Variants in PIGK observed in about 807,000 individuals in gnomAD.
PIGK encodes GPI-anchor transamidase.
Under a neutral mutation model 50.6 loss-of-function variants are expected in PIGK, and 42 were observed. The ratio of observed to expected loss-of-function variants is 0.83; its 90% CI spans 0.65 to 1.07. The LOEUF is 1.07. PIGK is among the 50% of genes least tolerant of loss of function. PIGK has a pLI of 0.00. For synonymous variants in PIGK, 151 were observed against 156.0 expected, an observed-to-expected ratio of 0.97 and a Z score of 0.24; for missense variants, 448 against 488.7, an observed-to-expected ratio of 0.92 and a Z score of 0.78.
chr1:77,170,451 CT>C (rs1655334382), intron 3 of PIGK, among the ~76,000 whole-genome samples: 2 of 152,178 alleles, frequency 1.3e-5, no homozygotes, highest in Admixed American at 6.5e-5. Flanking sequence ...CTATGGTACT[CT>C]ATCTTATTGT....
intron 3 of PIGK, among the ~76,000 whole-genome samples, chr1:77,177,361 G>A (rs1655510661): frequency 6.6e-6 from 1 of 152,150 alleles, no homozygotes; most frequent in Non-Finnish European, 1.5e-5. Context: ...ACCAGAATAA[G>A]GGCAAGGAAC....
intron 9 of PIGK, among the ~76,000 whole-genome samples, chr1:77,142,793 T>A (rs1196089166): frequency 6.6e-6 from 1 of 152,040 alleles, no homozygotes; most frequent in Non-Finnish European, 1.5e-5. Context: ...CCTCCTTCTC[T>A]CCACACATGG....
At chr1:77,110,630 C>T (rs1253368962) in intron 10 of PIGK, among the ~76,000 whole-genome samples, 1 of 152,080 alleles carries the variant, frequency 6.6e-6, no homozygotes, top group East Asian at 1.9e-4. Flanking sequence ...TAAAGACTTA[C>T]ATGTTAGAAC....
rs777778991 is a variant in PIGK at position 77,156,886 on chromosome 1, C to G, written c.814-2265G>C. Among the ~76,000 whole-genome samples the G allele has an allele frequency of 2.6e-5, 4 of 152,258 alleles. No homozygotes were observed. In the South Asian group the frequency reaches 8.3e-4, roughly 32 times the overall value. Reference sequence around the variant, plus strand: ...TAAGATGAATATAACATGGTCCTTACACCTCGCATTCAAGAAGCTCAAAGC... The same window carrying G: ...TAAGATGAATATAACATGGTCCTTAGACCTCGCATTCAAGAAGCTCAAAGC... On this transcript the variant is annotated intron_variant, in intron 8 of 10. Coordinates refer to ENST00000370812, the MANE Select transcript of PIGK (RefSeq NM_005482.3).
intron 3 of PIGK, among the ~76,000 whole-genome samples, chr1:77,173,887 T>C (rs1331666250): frequency 6.6e-6 from 1 of 152,230 alleles, no homozygotes; most frequent in Non-Finnish European, 1.5e-5. Context: ...TGTGTAATCA[T>C]GTGGTGGTAC....
intron 8 of PIGK, among the ~76,000 whole-genome samples, chr1:77,159,209 G>A (rs1019835673): frequency 3.3e-5 from 5 of 152,250 alleles, no homozygotes; most frequent in African/African-American, 9.6e-5. Flanking sequence ...CTCCAAGCCT[G>A]GGCAGCTTAC....
intron 3 of PIGK, among the ~76,000 whole-genome samples, chr1:77,173,653 T>C (rs1313759598): frequency 6.6e-6 from 1 of 152,216 alleles, no homozygotes; most frequent in Non-Finnish European, 1.5e-5. Flanking sequence ...AAAAAAAGGA[T>C]TCTGAGGCTA....
At chr1:77,194,746 T>C (rs1241102347) in intron 3 of PIGK, 1 of 338,436 alleles carries the variant, frequency 3.0e-6, no homozygotes, top group Non-Finnish European at 5.7e-6. Flanking sequence ...ATACACAATT[T>C]ACCCATATAA....
intron 3 of PIGK, among the ~76,000 whole-genome samples, chr1:77,180,737 T>C (rs1255983801): frequency 2.0e-5 from 3 of 151,586 alleles, no homozygotes; most frequent in Non-Finnish European, 4.4e-5. Flanking sequence ...TTCCAGGTCA[T>C]AGGTAGATAA....
chr1:77,124,089 C>CT (rs1489209474), intron 9 of PIGK, among the ~76,000 whole-genome samples: 4 of 152,038 alleles, frequency 2.6e-5, no homozygotes, highest in African/African-American at 9.7e-5. Flanking sequence ...CTGCTGACAT[C>CT]ATCTAGCCTC....
chr1:77,159,741 C>A lies in PIGK; in HGVS notation c.813+1554G>T, dbSNP rs540440585. 3.9e-5 allele frequency among the ~76,000 whole-genome samples: 6 copies of A among 152,284 alleles called. No individual in the cohort carries two copies. The East Asian group carries it at 1.2e-3, about 29-fold the overall frequency. The stretch of plus-strand genomic sequence containing the variant: ...AGTGCCTTCGTTTTGGCCAATTTCT[C>A]CCAAGTGGAACAGGTGTATTTACCC... On this transcript the variant is annotated intron_variant, in intron 8 of 10. Transcript: ENST00000370812.
At chr1:77,183,207 G>C (rs935696837) in intron 3 of PIGK, among the ~76,000 whole-genome samples, 3 of 152,178 alleles carry the variant, frequency 2.0e-5, no homozygotes, top group African/African-American at 7.2e-5. Flanking sequence ...CTTGGAATGG[G>C]AACATATGGA....
At chr1:77,197,207 T>C (rs1656057127) in intron 3 of PIGK, among the ~76,000 whole-genome samples, 1 of 152,120 alleles carries the variant, frequency 6.6e-6, no homozygotes, top group Admixed American at 6.6e-5. Flanking sequence ...ACCAAAAATA[T>C]TCACCCCTTT....
In PIGK at chr1:77,219,350, A is replaced by G. The variant is rs747697976; in HGVS notation, c.53T>C (p.Leu18Ser). 5 of 1,613,922 alleles carry G rather than the reference A, an allele frequency of 3.1e-6. No individual in the cohort carries two copies. Among genetic ancestry groups the G allele is most frequent in the Non-Finnish European group, 4.2e-6 (5 of 1,179,860 alleles). Residue 18 changes from leucine to serine, a missense_variant, in exon 1 of 11, where the codon TTG becomes TCG. Physicochemically the swap from Leu to Ser is moderately radical, Grantham distance 145. Coordinates refer to ENST00000370812, the MANE Select transcript of PIGK (RefSeq NM_005482.3). ...GGCCACGCTGCCGAAGGACAAGAGC[A>G]ACACAGTTGCCAAGACAGTCGCAGC... ...SRAATVLATV[L>S]LLSFGSVAAS...
intron 9 of PIGK, among the ~76,000 whole-genome samples, chr1:77,147,365 G>A (rs920331921): frequency 1.3e-5 from 2 of 150,134 alleles, no homozygotes; most frequent in African/African-American, 4.9e-5. Flanking sequence ...GGAGGAGAGA[G>A]GAGGGAACGG....
At chr1:77,138,752 G>C (rs1039635863) in intron 9 of PIGK, among the ~76,000 whole-genome samples, 1 of 152,058 alleles carries the variant, frequency 6.6e-6, no homozygotes, top group African/African-American at 2.4e-5. Flanking sequence ...AATCCGTGAG[G>C]ATCCTGAGGA....
At chr1:77,151,485 AT>A (rs1654892549) in intron 9 of PIGK, among the ~76,000 whole-genome samples, 1 of 152,204 alleles carries the variant, frequency 6.6e-6, no homozygotes, top group Non-Finnish European at 1.5e-5. Flanking sequence ...TAGTACTGGA[AT>A]TCCAAGCCAG....
At chr1:77,124,546 T>C (rs1225714078) in intron 9 of PIGK, among the ~76,000 whole-genome samples, 2 of 150,994 alleles carry the variant, frequency 1.3e-5, no homozygotes, top group Non-Finnish European at 2.9e-5. Flanking sequence ...GAGATGGAGG[T>C]TGCAGTGAGC....
intron 3 of PIGK, among the ~76,000 whole-genome samples, chr1:77,172,070 ATTT>A (rs34115617): frequency 3.8e-5 from 5 of 130,918 alleles, no homozygotes; most frequent in African/African-American, 8.6e-5. Context: ...TCTACATTTA[ATTT>A]TTTTTTTTTT....
Sources: gnomAD v4.1 joint callset for allele counts (sites outside exome capture counted in the v4.1 genomes callset) on GRCh38, gnomAD v4.1.1 for gene constraint, MANE v1.5 for transcripts, NCBI Gene and HGNC (gene_info 2026-07-23, HGNC 2026-07-21) for gene names.